The following EML1 variants were observed in gnomAD, a reference collection of about 807,000 sequenced individuals.
EML1 encodes echinoderm microtubule-associated protein-like 1.
Under a neutral mutation model 110.4 loss-of-function variants are expected in EML1, and 27 were observed. The ratio of observed to expected loss-of-function variants is 0.24; its 90% confidence interval spans 0.18 to 0.34. EML1 has a LOEUF of 0.34. Among genes scored for constraint, EML1 ranks in the 10% least tolerant of loss-of-function variants. EML1 has a pLI of 1.00. For synonymous variants in EML1, 344 were observed against 385.8 expected (o/e 0.89, Z 1.27); for missense variants, 741 against 1,030.9 (o/e 0.72, Z 3.85).
chr14:99,918,615 C>G (rs550794605), intron 16 of EML1, among the ~76,000 whole-genome samples: 2 of 152,172 alleles, frequency 1.3e-5, no homozygotes, highest in Non-Finnish European at 2.9e-5. Context: ...GCTAGGAGTT[C>G]GAGACCAGCC....
chr14:99,772,428 C>A (rs1168437492), upstream of EML1, among the ~76,000 whole-genome samples: 1 of 152,172 alleles, frequency 6.6e-6, no homozygotes, highest in Non-Finnish European at 1.5e-5. Flanking sequence ...TCTGTCCAGA[C>A]AACAGACTTT....
rs1275596085 is a variant in EML1 at position 99,747,821 on chromosome 14, G to A, written c.28+9961G>A. On this transcript the variant is annotated intron_variant, in intron 1 of 10. Coordinates refer to the EML1 transcript ENST00000554479. Reference sequence around the variant, plus strand: ...GACTTGGTGCTGCCCCAGGGGTCCCGCTGCAGGGTCAGCAATGCACGGGAA... The same window carrying A: ...GACTTGGTGCTGCCCCAGGGGTCCCACTGCAGGGTCAGCAATGCACGGGAA... 5.3e-5 allele frequency among the ~76,000 whole-genome samples: 8 copies of A among 152,284 alleles called. No homozygotes were observed. In the East Asian group the frequency reaches 1.4e-3, roughly 26 times the overall value.
chr14:99,839,944 G>T (rs1489501932), intron 1 of EML1, among the ~76,000 whole-genome samples: 1 of 152,224 alleles, frequency 6.6e-6, no homozygotes, highest in African/African-American at 2.4e-5. Flanking sequence ...GGAGTGGTAC[G>T]CAGGGCTGCG....
chr14:99,800,522 T>C (rs538197068), intron 1 of EML1, among the ~76,000 whole-genome samples: 1 of 152,178 alleles, frequency 6.6e-6, no homozygotes, highest in Admixed American at 6.5e-5. Context: ...CCACCACACC[T>C]GGCTAAATTT....
upstream of EML1, chr14:99,793,266 G>T: frequency 1.1e-6 from 1 of 928,194 alleles, no homozygotes. Flanking sequence ...GGCCGCCGAG[G>T]CCGCCCCCTC....
chr14:99,898,221 T>C lies in EML1; in HGVS notation c.828-12T>C, dbSNP rs1025879518. On this transcript the variant is annotated splice_polypyrimidine_tract_variant and intron_variant, in intron 7 of 21. Transcript: ENST00000262233. Reference sequence around the variant, plus strand: ...GCAACATGTAGATGTTTTGTAAATATCCTTTTCTTAGCCTAGCAGTTCATC... The same window carrying C: ...GCAACATGTAGATGTTTTGTAAATACCCTTTTCTTAGCCTAGCAGTTCATC... 6.3e-7 allele frequency: 1 copy of C among 1,582,778 alleles called. No individual in the cohort carries two copies. The highest frequency in any genetic ancestry group is 8.6e-7 in the Non-Finnish European group (1 of 1,161,564).
chr14:99,823,130 G>A (rs1005749703), intron 1 of EML1, among the ~76,000 whole-genome samples: 4 of 152,166 alleles, frequency 2.6e-5, no homozygotes, highest in African/African-American at 4.8e-5. Flanking sequence ...CGTGCCCTCC[G>A]GTTCCAGGGT....
intron 1 of EML1, among the ~76,000 whole-genome samples, chr14:99,745,168 C>T (rs754807734): frequency 6.6e-6 from 1 of 152,074 alleles, no homozygotes; most frequent in African/African-American, 2.4e-5. Flanking sequence ...CGGGTTTAAG[C>T]GATTCTCCTG....
Position 99,940,616 on chromosome 14 carries a change from A to T in EML1, c.*504A>T, listed in dbSNP as rs527538256. The T allele has an allele frequency of 6.6e-6, 1 of 152,424 alleles. No individual in the cohort carries two copies. Among genetic ancestry groups the T allele is most frequent in the African/African-American group, 2.4e-5 (1 of 41,574 alleles). The allele number at this position is 152,424 out of a possible 1,614,324, so 9.4% of individuals were successfully genotyped here. On this transcript the variant is annotated 3_prime_UTR_variant, in exon 22 of 22. Coordinates refer to ENST00000262233, the MANE Select transcript of EML1 (RefSeq NM_004434.3). ...CACAGCTGAATCAGGAGACACAAAG[A>T]TGAGACTGTGTTTGGTTACATTTTC... is the stretch of plus-strand genomic sequence containing the variant.
Position 99,936,014 on chromosome 14 carries a change from G to A in EML1, c.1910-15G>A, listed in dbSNP as rs368124437. On this transcript the variant is annotated splice_polypyrimidine_tract_variant and intron_variant, in intron 17 of 21. Coordinates refer to ENST00000262233, the MANE Select transcript of EML1 (RefSeq NM_004434.3). The surrounding 1 kb of genome is among the most constrained non-coding windows in gnomAD (Gnocchi z 5.5). ...ATTGTTAACATCTGAAATGTAATTTGTCATCTTTTTATAGATGGGAATTTC... is the reference window on the plus strand; with the variant it reads ...ATTGTTAACATCTGAAATGTAATTTATCATCTTTTTATAGATGGGAATTTC... 112 of 1,611,090 alleles carry A rather than the reference G, an allele frequency of 7.0e-5. No individual in the cohort carries two copies. Among genetic ancestry groups the A allele is most frequent in the Non-Finnish European group, 9.0e-5 (106 of 1,177,536 alleles).
At chr14:99,906,247 C>T (rs1176885979) in intron 9 of EML1, among the ~76,000 whole-genome samples, 1 of 152,182 alleles carries the variant, frequency 6.6e-6, no homozygotes, top group East Asian at 1.9e-4. Flanking sequence ...GTTCTTGGAT[C>T]TCACGCAAGA....
chr14:99,909,826 C>T (rs747113135), intron 11 of EML1, among the ~76,000 whole-genome samples: 2 of 152,108 alleles, frequency 1.3e-5, no homozygotes, highest in Non-Finnish European at 2.9e-5. Context: ...TGTGGGGCTG[C>T]GAGAGCACCA....
At chr14:99,910,693 A>T (rs1331205567) in intron 12 of EML1, among the ~76,000 whole-genome samples, 1 of 152,238 alleles carries the variant, frequency 6.6e-6, no homozygotes, top group Non-Finnish European at 1.5e-5. Context: ...ATCCTGATTT[A>T]TCTAGCATGT....
At chr14:99,883,684 G>GA (rs2059427169) in intron 4 of EML1, 1 of 152,154 alleles carries the variant, frequency 6.6e-6, no homozygotes, top group African/African-American at 2.4e-5. Context: ...GTATAATTTT[G>GA]ACATAAATGC....
chr14:99,746,828 G>A (rs184795269), intron 1 of EML1, among the ~76,000 whole-genome samples: 1 of 152,138 alleles, frequency 6.6e-6, no homozygotes, highest in Non-Finnish European at 1.5e-5. Flanking sequence ...CACCCCTCGA[G>A]CAGGGCTCCT....
In EML1 at chr14:99,784,239, C is replaced by A. The variant is rs768619612; in HGVS notation, c.-27+10226C>A. 6.6e-6 allele frequency among the ~76,000 whole-genome samples: 1 copy of A among 152,180 alleles called. No individual in the cohort carries two copies. The highest frequency in any genetic ancestry group is 1.5e-5 in the Non-Finnish European group (1 of 68,042). ...CCCTGAGTAGCTGGGACCACAGGCA[C>A]ATGCTACCACGCTTGGCTAATTTTT... On this transcript the variant is annotated intron_variant, in intron 1 of 22. Coordinates refer to the EML1 transcript ENST00000327921. This position sits in a 1 kb window ranked among gnomAD's most constrained non-coding sequence, Gnocchi z 4.5.
intron 3 of EML1, among the ~76,000 whole-genome samples, chr14:99,876,139 CAG>C (rs76506434): frequency 0.27 from 40,565 of 151,538 alleles, 5,939 homozygotes; most frequent in Non-Finnish European, 0.33. Flanking sequence ...ACAGAGGAGA[CAG>C]AGAGGGGAAG....
chr14:99,786,641 A>G (rs754498738), intron 1 of EML1, among the ~76,000 whole-genome samples: 6 of 152,230 alleles, frequency 3.9e-5, no homozygotes, highest in Non-Finnish European at 8.8e-5. Flanking sequence ...CAAAGCCTTC[A>G]AGTGCACGGC....
chr14:99,770,778 G>GTTTTTTTTTTTTTT (rs1198007774), upstream of EML1, among the ~76,000 whole-genome samples: 2 of 79,582 alleles, frequency 2.5e-5, no homozygotes, highest in African/African-American at 8.8e-5. Flanking sequence ...AGTTTCCGCT[G>GTTTTTTTTTTTTTT]ATTTTTTTTT....
Sources: allele counts gnomAD v4.1 joint callset (sites outside exome capture counted in the v4.1 genomes callset), GRCh38; gene constraint gnomAD v4.1.1; non-coding constraint Gnocchi (gnomAD v3.1); transcripts MANE v1.5; gene names NCBI Gene and HGNC (gene_info 2026-07-23, HGNC 2026-07-21).